Variants in ALDH9A1 observed in about 807,000 individuals in gnomAD.
ALDH9A1 encodes 4-trimethylaminobutyraldehyde dehydrogenase.
ALDH9A1 carries 42 observed loss-of-function variants against 56.6 expected under a neutral mutation model. The observed-to-expected ratio is 0.74, with a 90% CI of 0.58 to 0.96. The LOEUF (loss-of-function observed/expected upper bound fraction) is 0.96. Among genes scored for constraint, ALDH9A1 ranks in the 40% least tolerant of loss-of-function variants. The pLI is 0.00. For missense variants in ALDH9A1, 661 were observed against 651.5 expected, an observed-to-expected ratio of 1.01 and a Z score of -0.16; for synonymous variants, 242 against 236.0, an observed-to-expected ratio of 1.03 and a Z score of -0.23.
intron 2 of ALDH9A1, among the ~76,000 whole-genome samples, chr1:165,690,600 T>C (rs1407868581): frequency 6.6e-6 from 1 of 152,144 alleles, no homozygotes; most frequent in South Asian, 2.1e-4. Context: ...GGGAATTCCC[T>C]TTCCTAGCCA....
At chr1:165,667,069 G>C (rs1649030975) in intron 9 of ALDH9A1, among the ~76,000 whole-genome samples, 1 of 151,240 alleles carries the variant, frequency 6.6e-6, no homozygotes, top group Non-Finnish European at 1.5e-5. Context: ...ACATAGATCA[G>C]AATCTTAAGT....
At chr1:165,682,786 C>T (rs557371425) in intron 3 of ALDH9A1, 195 bp downstream of exon 3, 79 of 597,004 alleles carry the variant, frequency 1.3e-4, no homozygotes, top group Non-Finnish European at 2.1e-4. Flanking sequence ...AATCCTTAAC[C>T]CAAGAAGGTA....
chr1:165,679,293 C>G (rs1412862456), intron 6 of ALDH9A1, 149 bp downstream of exon 6: 24 of 814,416 alleles, frequency 2.9e-5, no homozygotes, highest in Non-Finnish European at 3.9e-5. Context: ...TTTGAGAAAT[C>G]TGGTTCAAAG....
At chr1:165,672,182 A>G (rs1011954753) in intron 6 of ALDH9A1, among the ~76,000 whole-genome samples, 9 of 152,234 alleles carry the variant, frequency 5.9e-5, no homozygotes, top group African/African-American at 1.9e-4. Flanking sequence ...TCATAGCAAC[A>G]TTATTCACAA....
intron 2 of ALDH9A1, among the ~76,000 whole-genome samples, chr1:165,694,171 C>A (rs1373857071): frequency 6.7e-6 from 1 of 149,960 alleles, no homozygotes; most frequent in Non-Finnish European, 1.5e-5. Context: ...ATGTATCAAA[C>A]CTGCACATTG....
rs1649644189 is a variant in ALDH9A1, at chr1:165,684,324, C to T, written c.328-1214G>A. Among the ~76,000 whole-genome samples, 3 of 152,140 alleles carry T rather than the reference C, an allele frequency of 2.0e-5. No homozygotes were observed. In the South Asian group the frequency reaches 6.2e-4, roughly 31 times the overall value. On this transcript the variant is annotated intron_variant, in intron 2 of 10. Transcript: ENST00000354775. ...ATCAATATTGCAATTTTTGAATAGA[C>T]ATTTTCCTTCAGAAAGGATAATCTG...
At chr1:165,678,974 A>G (rs184537097) in intron 6 of ALDH9A1, among the ~76,000 whole-genome samples, 198 of 152,348 alleles carry the variant, frequency 1.3e-3, no homozygotes, top group African/African-American at 4.6e-3. Context: ...CTAGACCGGA[A>G]AAAAAACCAT....
intron 2 of ALDH9A1, among the ~76,000 whole-genome samples, chr1:165,694,574 C>T (rs1376417561): frequency 6.6e-6 from 1 of 151,860 alleles, no homozygotes; most frequent in African/African-American, 2.4e-5. Flanking sequence ...ACTTAAAACC[C>T]TATCTGAAAA....
chr1:165,698,215 T>C, intron 1 of ALDH9A1, 163 bp downstream of exon 1: 1 of 1,370,896 alleles, frequency 7.3e-7, no homozygotes, highest in East Asian at 3.0e-5. Context: ...GGCACTCGCG[T>C]TGCCCCAGAA....
chr1:165,668,754 A>T, intron 8 of ALDH9A1, 172 bp downstream of exon 8: 1 of 519,322 alleles, frequency 1.9e-6, no homozygotes, highest in Non-Finnish European at 3.4e-6. Context: ...AAGGAGGGGC[A>T]CACAGAAGGC....
intron 8 of ALDH9A1, 39 bp downstream of exon 8, chr1:165,668,887 A>T: frequency 7.1e-7 from 1 of 1,401,658 alleles, no homozygotes; most frequent in Non-Finnish European, 1.0e-6. Flanking sequence ...TTCAGTATTT[A>T]ATTCAAATCA....
intron 3 of ALDH9A1, 56 bp from the exon 4 acceptor site, chr1:165,682,297 CCAACATCTGT>C: frequency 6.3e-7 from 1 of 1,578,924 alleles, no homozygotes; most frequent in Non-Finnish European, 8.7e-7. Context: ...CAAGATTTCA[CCAACATCTGT>C]ACCAGTCTGA....
chr1:165,675,404 A>C (rs1649327187), intron 6 of ALDH9A1, among the ~76,000 whole-genome samples: 1 of 152,106 alleles, frequency 6.6e-6, no homozygotes, highest in African/African-American at 2.4e-5. Context: ...AGTACAAAAG[A>C]GTACCTCTAA....
chr1:165,662,225 C>A lies in ALDH9A1; in HGVS notation c.*825G>T, dbSNP rs1648863641. The A allele has an allele frequency of 6.6e-6, 1 of 152,196 alleles. No homozygotes were observed. The highest frequency in any genetic ancestry group is 1.5e-5 in the Non-Finnish European group (1 of 68,034). The allele number at this position is 152,196 out of a possible 1,614,324, so 9.4% of individuals were successfully genotyped here. On this transcript the variant is annotated 3_prime_UTR_variant, in exon 11 of 11. Transcript: ENST00000354775. ...CAAAACACGATAGGAAAACAATTAA[C>A]AGTGTGATTTATTTTAATTTCACCA...
intron 4 of ALDH9A1, among the ~76,000 whole-genome samples, chr1:165,681,144 T>C (rs746346088): frequency 1.3e-5 from 2 of 152,174 alleles, no homozygotes; most frequent in Non-Finnish European, 2.9e-5. Context: ...ACAATTCAAG[T>C]TGAGATTTGG....
In ALDH9A1 at chr1:165,680,634, C is replaced by G; in HGVS notation, c.642G>C (p.Leu214Phe). 6.2e-7 allele frequency: 1 copy of G among 1,614,026 alleles called. No homozygotes were observed. The highest frequency in any genetic ancestry group is 8.5e-7 in the Non-Finnish European group (1 of 1,179,970). ...CCTCACTGTAGATTTCAGCCAGTAG[C>G]AATGCAGAAACAGGTGTAAAGGGAG... Reference protein sequence around the residue: ...KPSPFTPVSALLLAEIYSEAG... With the variant: ...KPSPFTPVSAFLLAEIYSEAG... Residue 214 changes from leucine to phenylalanine, a missense_variant, in exon 5 of 11, where the codon TTG becomes TTC. Coordinates refer to ENST00000354775, the MANE Select transcript of ALDH9A1 (RefSeq NM_000696.4).
intron 2 of ALDH9A1, among the ~76,000 whole-genome samples, chr1:165,687,131 C>T (rs1268574508): frequency 6.6e-6 from 1 of 151,950 alleles, no homozygotes; most frequent in Non-Finnish European, 1.5e-5. Flanking sequence ...AAACAAAACA[C>T]ACACACACAG....
chr1:165,687,655 A>T (rs547009464), intron 2 of ALDH9A1, among the ~76,000 whole-genome samples: 4 of 152,178 alleles, frequency 2.6e-5, no homozygotes, highest in Non-Finnish European at 4.4e-5. Flanking sequence ...TTTTAGACAT[A>T]CAGAATCTGA....
intron 8 of ALDH9A1, 123 bp downstream of exon 8, chr1:165,668,803 G>T: frequency 1.4e-6 from 1 of 723,188 alleles, no homozygotes; most frequent in Non-Finnish European, 2.3e-6. Context: ...TTAAACTTGG[G>T]TAGTAGGACC....
Sources: gnomAD v4.1 joint callset for allele counts (sites outside exome capture counted in the v4.1 genomes callset) on GRCh38, gnomAD v4.1.1 for gene constraint, MANE v1.5 for transcripts, NCBI Gene and HGNC (gene_info 2026-07-23, HGNC 2026-07-21) for gene names.